The following DYM variants were observed in gnomAD, a reference collection of about 807,000 sequenced individuals.
The protein encoded by DYM is dymeclin.
Under a neutral mutation model 93.1 loss-of-function variants are expected in DYM, and 78 were observed. The ratio of observed to expected loss-of-function variants is 0.84; its 90% CI spans 0.70 to 1.01. The LOEUF is 1.01. DYM is among the 50% of genes least tolerant of loss of function. The probability of loss-of-function intolerance (pLI) is 0.00; values close to 1 mark genes in which losing one functional copy is unlikely to be tolerated. For missense variants in DYM, 789 were observed against 845.0 expected (o/e 0.93, Z 0.82); for synonymous variants, 321 against 319.7 (o/e 1.00, Z -0.04).
chr18:49,340,393 A>G (rs1003150178), intron 6 of DYM, among the ~76,000 whole-genome samples: 3 of 152,262 alleles, frequency 2.0e-5, no homozygotes, highest in Non-Finnish European at 4.4e-5. Flanking sequence ...CATTAAAAAT[A>G]CATGTACACA....
chr18:49,283,977 T>G (rs1273372786), intron 9 of DYM, among the ~76,000 whole-genome samples: 1 of 152,238 alleles, frequency 6.6e-6, no homozygotes, highest in Non-Finnish European at 1.5e-5. Context: ...TCCTTTTTTT[T>G]GTGGTTGGCT....
At chr18:49,132,585 C>T (rs1303182509) in intron 15 of DYM, among the ~76,000 whole-genome samples, 2 of 151,982 alleles carry the variant, frequency 1.3e-5, no homozygotes, top group Non-Finnish European at 2.9e-5. Flanking sequence ...AGAAAAAGAA[C>T]GTTTCTCATT....
chr18:49,112,008 C>G (rs1293849960), intron 16 of DYM, among the ~76,000 whole-genome samples: 1 of 152,138 alleles, frequency 6.6e-6, no homozygotes, highest in Non-Finnish European at 1.5e-5. Context: ...GTTTCCTGCC[C>G]TTTACCCAGA....
At chr18:49,191,988 G>C (rs1050658206) in intron 14 of DYM, among the ~76,000 whole-genome samples, 11 of 152,008 alleles carry the variant, frequency 7.2e-5, no homozygotes, top group African/African-American at 2.7e-4. Context: ...CCAGGCTGGA[G>C]TGTAATAGTG....
intron 17 of DYM, among the ~76,000 whole-genome samples, chr18:49,053,378 T>C (rs949730198): frequency 6.6e-6 from 1 of 152,060 alleles, no homozygotes; most frequent in South Asian, 2.1e-4. Flanking sequence ...CTAAAGATGA[T>C]ATAAGATAGC....
chr18:49,051,054 G>A (rs952124603), intron 17 of DYM, among the ~76,000 whole-genome samples: 6 of 152,232 alleles, frequency 3.9e-5, no homozygotes, highest in South Asian at 2.1e-4. Flanking sequence ...CCACAGCAGT[G>A]AGTGGTAGAG....
intron 2 of DYM, among the ~76,000 whole-genome samples, chr18:49,402,924 C>G (rs1449055144): frequency 6.6e-6 from 1 of 152,140 alleles, no homozygotes; most frequent in Admixed American, 6.5e-5. Context: ...CTGGTATGAC[C>G]TAGCCAAATT....
chr18:49,060,000 G>T (rs181454745), intron 17 of DYM, among the ~76,000 whole-genome samples: 1 of 152,036 alleles, frequency 6.6e-6, no homozygotes, highest in South Asian at 2.1e-4. Flanking sequence ...GTGACGTTTT[G>T]TACCATAAAA....
At chr18:49,307,076 G>T (rs1283623569) in intron 8 of DYM, among the ~76,000 whole-genome samples, 1 of 151,818 alleles carries the variant, frequency 6.6e-6, no homozygotes, top group East Asian at 1.9e-4. Context: ...TCTTCTGCTT[G>T]TTATGAAGTT....
intron 15 of DYM, among the ~76,000 whole-genome samples, chr18:49,128,473 TA>T (rs913062978): frequency 1.3e-5 from 2 of 152,176 alleles, no homozygotes; most frequent in South Asian, 4.1e-4. Flanking sequence ...GTGTCTTTTT[TA>T]AAAAAAGTCT....
intron 5 of DYM, among the ~76,000 whole-genome samples, chr18:49,369,713 C>A (rs552255061): frequency 2.6e-5 from 4 of 152,038 alleles, no homozygotes; most frequent in African/African-American, 9.6e-5. Flanking sequence ...ATCTACTATG[C>A]TTGAGAATAA....
intron 1 of DYM, among the ~76,000 whole-genome samples, chr18:49,456,099 TTCC>T (rs1333045183): frequency 1.3e-5 from 2 of 152,204 alleles, no homozygotes; most frequent in Non-Finnish European, 2.9e-5. Flanking sequence ...TCTTTATCCC[TTCC>T]TCCATCCTGC....
chr18:49,088,328 C>T (rs1414863925), intron 17 of DYM, among the ~76,000 whole-genome samples: 1 of 152,112 alleles, frequency 6.6e-6, no homozygotes, highest in Non-Finnish European at 1.5e-5. Context: ...CAGTTTTCTA[C>T]ATAAGGCTAG....
At position 49,257,084 on chromosome 18, in the gene DYM, A is replaced by G. The variant is rs2094406056; in HGVS notation, c.1386T>C (p.Asn462=). 2 of 1,613,926 alleles carry G rather than the reference A, an allele frequency of 1.2e-6. No homozygotes were observed. The highest frequency in any genetic ancestry group is 1.7e-6 in the Non-Finnish European group (2 of 1,179,838). Residue 462 remains asparagine (N), a synonymous_variant, in exon 13 of 18, where the codon AAT becomes AAC. Coordinates refer to ENST00000675505, the MANE Select transcript of DYM (RefSeq NM_001353214.3). ...TRTRDKYLHT[N]CLAALANMSA... is the part of the protein sequence containing the mutation. ...ACATATTTGCTAAAGCTGCCAAACA[A>G]TTTGTGTGAAGGTACTTGTCCTGTG...
rs772926828 is a variant in DYM, at chr18:49,042,866, C to G, written c.*1189G>C. 6.6e-6 allele frequency: 1 copy of G among 152,192 alleles called. No homozygotes were observed. Among genetic ancestry groups the G allele is most frequent in the South Asian group, 2.1e-4 (1 of 4,828 alleles). The allele number at this position is 152,192 out of a possible 1,614,324, so 9.4% of individuals were successfully genotyped here. A position where few individuals can be genotyped will look rare whatever the true frequency, so the allele number is the denominator to read the frequency against. ...TCAGGCACCAACACACGGATCACACCGGCCCAGAAACAAAGAGCAAAACAT... is the reference window on the plus strand; with the variant it reads ...TCAGGCACCAACACACGGATCACACGGGCCCAGAAACAAAGAGCAAAACAT... On this transcript the variant is annotated 3_prime_UTR_variant, in exon 18 of 18. Transcript: ENST00000675505.
At chr18:49,198,612 A>C (rs1357134139) in intron 14 of DYM, among the ~76,000 whole-genome samples, 1 of 152,240 alleles carries the variant, frequency 6.6e-6, no homozygotes, top group East Asian at 1.9e-4. Context: ...ATGCAGCCAA[A>C]AGACACATGA....
intron 13 of DYM, among the ~76,000 whole-genome samples, chr18:49,251,567 A>G (rs943228612): frequency 2.0e-5 from 3 of 152,176 alleles, no homozygotes; most frequent in African/African-American, 7.2e-5. Flanking sequence ...CCAGGTGGTG[A>G]ACCTAGTGGG....
chr18:49,238,978 T>G (rs542168608), intron 13 of DYM, among the ~76,000 whole-genome samples: 1 of 152,244 alleles, frequency 6.6e-6, no homozygotes, highest in South Asian at 2.1e-4. Context: ...AGAGTGAACA[T>G]CCAGCCTGCC....
chr18:49,242,701 GTTTGTT>G (rs1232745388), intron 13 of DYM, among the ~76,000 whole-genome samples: 4 of 152,084 alleles, frequency 2.6e-5, no homozygotes, highest in African/African-American at 9.7e-5. Context: ...ATTTTTGTTT[GTTTGTT>G]TTTGTTTTTT....
Sources: allele counts gnomAD v4.1 joint callset (sites outside exome capture counted in the v4.1 genomes callset), GRCh38; gene constraint gnomAD v4.1.1; transcripts MANE v1.5; gene names NCBI Gene and HGNC (gene_info 2026-07-23, HGNC 2026-07-21).